Variants in UBXN2A observed in about 807,000 individuals in gnomAD.
UBXN2A encodes UBX domain-containing protein 2A.
Under a neutral mutation model 28.4 loss-of-function variants are expected in UBXN2A, and 28 were observed. That is an observed-to-expected ratio of 0.99 (90% CI 0.73 to 1.35). UBXN2A has a LOEUF of 1.35. Ranked by LOEUF, UBXN2A falls within the 40% of genes most tolerant of loss-of-function variation. UBXN2A has a pLI of 0.00. For missense variants in UBXN2A, 253 were observed against 297.9 expected (o/e 0.85, Z 1.11); for synonymous variants, 97 against 103.6 (o/e 0.94, Z 0.39).
chr2:23,932,941 A>G (rs930436376), intron 1 of UBXN2A, among the ~76,000 whole-genome samples: 1 of 152,022 alleles, frequency 6.6e-6, no homozygotes, highest in Non-Finnish European at 1.5e-5. Flanking sequence ...CGTCTCTACT[A>G]AAAATATAAA....
chr2:23,989,024 G>C (rs147937369), intron 6 of UBXN2A, among the ~76,000 whole-genome samples: 3 of 151,872 alleles, frequency 2.0e-5, no homozygotes, highest in Non-Finnish European at 4.4e-5. Context: ...GACAATCCAG[G>C]ATCTGGGTAC....
chr2:23,954,300 T>G (rs1363027278), intron 1 of UBXN2A, among the ~76,000 whole-genome samples: 1 of 152,370 alleles, frequency 6.6e-6, no homozygotes, highest in Non-Finnish European at 1.5e-5. Flanking sequence ...TTTTTATTCA[T>G]GTAGCATCAT....
chr2:23,948,388 G>T (rs1336623080), intron 1 of UBXN2A, among the ~76,000 whole-genome samples: 1 of 151,466 alleles, frequency 6.6e-6, no homozygotes, highest in African/African-American at 2.4e-5. Context: ...AAGTAGCTGG[G>T]ATTACAGGCA....
At chr2:23,944,152 A>T in intron 1 of UBXN2A, 1 of 1,045,226 alleles carries the variant, frequency 9.6e-7, no homozygotes, top group Non-Finnish European at 1.5e-6. Flanking sequence ...CTTGGAACTC[A>T]TTGGTCCCTG....
At chr2:23,934,662 A>G (rs1233509098) in intron 1 of UBXN2A, among the ~76,000 whole-genome samples, 5 of 152,226 alleles carry the variant, frequency 3.3e-5, no homozygotes, top group East Asian at 1.9e-4. Context: ...CTAATAAACA[A>G]ATTACTCAGT....
chr2:23,994,233 C>G lies in UBXN2A; in HGVS notation c.585-5439C>G, dbSNP rs571167888. On this transcript the variant is annotated intron_variant, in intron 6 of 6. Transcript: ENST00000309033. ...TTTCCTCTCAGTTTAAAATTTTTCT[C>G]TTTGTTCTTAGATTTTAATAGCTTG... 6.4e-4 allele frequency among the ~76,000 whole-genome samples: 98 copies of G among 152,136 alleles called. 1 individual carries two copies. The highest frequency in any genetic ancestry group is 2.3e-3 in the African/African-American group (97 of 41,532).
chr2:23,980,800 G>GT (rs1707860216), intron 4 of UBXN2A, among the ~76,000 whole-genome samples: 1 of 151,972 alleles, frequency 6.6e-6, no homozygotes, highest in Non-Finnish European at 1.5e-5. Flanking sequence ...GCTAATTTTT[G>GT]TTTTTTAGTA....
intron 6 of UBXN2A, among the ~76,000 whole-genome samples, chr2:23,998,256 T>C (rs1013737704): frequency 2.3e-4 from 35 of 152,238 alleles, no homozygotes; most frequent in African/African-American, 8.4e-4. Flanking sequence ...TCATCCAATA[T>C]TTATTGTATC....
intron 6 of UBXN2A, chr2:23,996,774 C>CT (rs149952622): frequency 0.028 from 3,764 of 136,552 alleles, 151 homozygotes; most frequent in African/African-American, 0.09. Flanking sequence ...CATGCCCAGA[C>CT]TTTTTTTTTT....
intron 1 of UBXN2A, among the ~76,000 whole-genome samples, chr2:23,952,113 C>T (rs1030342143): frequency 2.0e-5 from 3 of 151,702 alleles, no homozygotes; most frequent in Admixed American, 2.0e-4. Context: ...ACTACAAGCG[C>T]TCGCCATCAC....
chr2:23,998,476 T>G (rs1708623879), intron 6 of UBXN2A, among the ~76,000 whole-genome samples: 1 of 152,140 alleles, frequency 6.6e-6, no homozygotes, highest in African/African-American at 2.4e-5. Context: ...TCCCAGCACT[T>G]TGAGAGGCTT....
intron 1 of UBXN2A, among the ~76,000 whole-genome samples, chr2:23,929,113 T>A (rs1008435643): frequency 6.6e-6 from 1 of 151,700 alleles, no homozygotes; most frequent in Non-Finnish European, 1.5e-5. Context: ...CATAGTGAGA[T>A]CCTCTCCCTG....
intron 1 of UBXN2A, among the ~76,000 whole-genome samples, chr2:23,951,539 G>A (rs1461181543): frequency 6.7e-6 from 1 of 149,732 alleles, no homozygotes; most frequent in Non-Finnish European, 1.5e-5. Context: ...TGGCTCACCA[G>A]AACCTCTGCC....
chr2:23,999,312 T>A (rs148912478), intron 6 of UBXN2A, among the ~76,000 whole-genome samples: 147 of 152,336 alleles, frequency 9.6e-4, no homozygotes, highest in African/African-American at 3.5e-3. Flanking sequence ...ACTAATTATC[T>A]TACCTAAGAT....
intron 4 of UBXN2A, among the ~76,000 whole-genome samples, chr2:23,977,582 A>C (rs1707725280): frequency 6.6e-6 from 1 of 152,148 alleles, no homozygotes; most frequent in South Asian, 2.1e-4. Flanking sequence ...CGGAGGTTGC[A>C]GTGGGCCAAG....
chr2:23,949,116 C>CTTTTTTTTTTT (rs1223944833), intron 1 of UBXN2A, among the ~76,000 whole-genome samples: 258 of 127,064 alleles, frequency 2.0e-3, no homozygotes, highest in Non-Finnish European at 3.1e-3. Context: ...ATTTTTTTTT[C>CTTTTTTTTTTT]TTTTTTTTTT....
intron 1 of UBXN2A, among the ~76,000 whole-genome samples, chr2:23,931,967 C>T (rs1017802176): frequency 1.7e-4 from 26 of 150,668 alleles, no homozygotes; most frequent in African/African-American, 5.9e-4. Flanking sequence ...GCCGAGATCA[C>T]GCCATTGCAC....
chr2:23,933,596 C>T (rs1293131323), intron 1 of UBXN2A, among the ~76,000 whole-genome samples: 1 of 152,216 alleles, frequency 6.6e-6, no homozygotes, highest in East Asian at 1.9e-4. Context: ...GATGTAAGTA[C>T]CTGTAGTCCC....
intron 6 of UBXN2A, among the ~76,000 whole-genome samples, chr2:23,992,096 C>A (rs183143599): frequency 5.9e-5 from 9 of 152,136 alleles, no homozygotes; most frequent in African/African-American, 2.2e-4. Context: ...CTCAGCCTCC[C>A]GAGTAGCTGG....
Sources: gnomAD v4.1 joint callset for allele counts (sites outside exome capture counted in the v4.1 genomes callset) on GRCh38, gnomAD v4.1.1 for gene constraint, MANE v1.5 for transcripts, NCBI Gene and HGNC (gene_info 2026-07-23, HGNC 2026-07-21) for gene names.